SPTBN1: variants seen among roughly 807,000 people sequenced by gnomAD.
SPTBN1 encodes the protein spectrin beta, non-erythrocytic 1, also known as spectrin beta chain, non-erythrocytic 1.
In SPTBN1, 32 loss-of-function variants were observed where a neutral mutation model predicts 266.4. The ratio of observed to expected loss-of-function variants is 0.12; its 90% CI spans 0.09 to 0.16. The LOEUF is 0.16. Ranked by LOEUF, SPTBN1 falls within the 10% of genes least tolerant of loss-of-function variation. The pLI, the probability that SPTBN1 is intolerant of heterozygous loss-of-function variation, is 1.00. For synonymous variants in SPTBN1, 1,336 were observed against 1,162.2 expected (o/e 1.15, Z -3.04); for missense variants, 2,296 against 3,067.1 (o/e 0.75, Z 5.94).
chr2:54,563,058 C>T (rs1673423832), intron 2 of SPTBN1, among the ~76,000 whole-genome samples: 1 of 152,138 alleles, frequency 6.6e-6, no homozygotes, highest in African/African-American at 2.4e-5. Context: ...AGGCAAATAA[C>T]TCATCCAAGT....
At chr2:54,462,663 T>TAG (rs773187263) in intron 1 of SPTBN1, among the ~76,000 whole-genome samples, 40 of 152,236 alleles carry the variant, frequency 2.6e-4, no homozygotes, top group African/African-American at 2.7e-4. Flanking sequence ...TATACTCTAG[T>TAG]ATATGGAATA....
intron 1 of SPTBN1, among the ~76,000 whole-genome samples, chr2:54,462,330 A>G (rs1187227146): frequency 6.6e-6 from 1 of 152,182 alleles, no homozygotes; most frequent in South Asian, 2.1e-4. Flanking sequence ...TAACTTTTGT[A>G]TTTTAAAAGG....
rs1022594004 is a variant in SPTBN1 at position 54,533,259 on chromosome 2, A to G, written c.148+6693A>G. ...GCAATTTAAAACGTATGAATTGCCTATTTCTTCAGTTTTTCATTTCATATT... is the reference window on the plus strand; with the variant it reads ...GCAATTTAAAACGTATGAATTGCCTGTTTCTTCAGTTTTTCATTTCATATT... On this transcript the variant is annotated intron_variant, in intron 2 of 35. Transcript: ENST00000356805. The surrounding 1 kb of genome is among the most constrained non-coding windows in gnomAD (Gnocchi z 4.2). Among the ~76,000 whole-genome samples the G allele has an allele frequency of 3.3e-5, 5 of 151,886 alleles. No individual in the cohort carries two copies. The South Asian group carries it at 6.2e-4, about 19-fold the overall frequency.
At chr2:54,588,650 A>G in intron 2 of SPTBN1, among the ~76,000 whole-genome samples, 1 of 152,266 alleles carries the variant, frequency 6.6e-6, no homozygotes, top group East Asian at 1.9e-4. Context: ...CAGCATCACT[A>G]GTGCACACCT....
In SPTBN1 at chr2:54,626,827, G is replaced by GT. The variant is rs1464304943; in HGVS notation, c.1644+594dup. On this transcript the variant is annotated intron_variant, in intron 12 of 35. Coordinates refer to ENST00000356805, the MANE Select transcript of SPTBN1 (RefSeq NM_003128.3). The surrounding 1 kb of genome is among the most constrained non-coding windows in gnomAD (Gnocchi z 4.7). ...AGATCATGGGATGGGCTGGATGGCAGTGGCTGGTCATGCCATTTATTGACT... is the reference window on the plus strand; with the variant it reads ...AGATCATGGGATGGGCTGGATGGCAGTTGGCTGGTCATGCCATTTATTGACT... Among the ~76,000 whole-genome samples the GT allele has an allele frequency of 2.0e-5, 3 of 152,338 alleles. No homozygotes were observed. The highest frequency in any genetic ancestry group is 4.4e-5 in the Non-Finnish European group (3 of 68,034).
chr2:54,584,735 A>G (rs1367953411), intron 2 of SPTBN1, among the ~76,000 whole-genome samples: 1 of 152,224 alleles, frequency 6.6e-6, no homozygotes, highest in African/African-American at 2.4e-5. Flanking sequence ...AATGCCCCTG[A>G]AGAACAAATC....
chr2:54,650,084 C>A, intron 26 of SPTBN1, 95 bp downstream of exon 26: 2 of 1,465,470 alleles, frequency 1.4e-6, no homozygotes, highest in South Asian at 1.4e-5. Flanking sequence ...CTTGGCTCTT[C>A]AAAAGAATTG....
chr2:54,664,291 C>A lies in SPTBN1; in HGVS notation c.6421-162C>A. 1.4e-6 allele frequency: 1 copy of A among 701,496 alleles called. No homozygotes were observed. The highest frequency in any genetic ancestry group is 2.4e-6 in the Non-Finnish European group (1 of 411,760). The allele number at this position is 701,496 out of a possible 1,614,324, so 43.5% of individuals were successfully genotyped here. On this transcript the variant is annotated intron_variant, in intron 32 of 35. Coordinates refer to ENST00000356805, the MANE Select transcript of SPTBN1 (RefSeq NM_003128.3). The surrounding 1 kb of genome is among the most constrained non-coding windows in gnomAD (Gnocchi z 5.6). The stretch of plus-strand genomic sequence containing the variant: ...TTAATCCATTCCCACCTTCTAATGT[C>A]CTTGATGTCCAGCTGGCTTTGTGGG...
chr2:54,644,343 A>G lies in SPTBN1; in HGVS notation c.4026A>G (p.Ser1342=). ...KIEKEGMQLI[S]EKPETEAVVK... Reference sequence around the variant, plus strand: ...TCCAGGAAGGAATGCAGCTCATTTCAGAAAAGCCTGAGACGGAAGCTGTGG... The same window carrying G: ...TCCAGGAAGGAATGCAGCTCATTTCGGAAAAGCCTGAGACGGAAGCTGTGG... The change falls in exon 20 of 36, where the codon TCA becomes TCG. Residue 1342 remains serine, a synonymous_variant. Transcript: ENST00000356805. 6.2e-7 allele frequency: 1 copy of G among 1,610,710 alleles called. No homozygotes were observed. The highest frequency in any genetic ancestry group is 8.5e-7 in the Non-Finnish European group (1 of 1,176,958).
At chr2:54,565,125 C>T (rs1386295815) in intron 2 of SPTBN1, among the ~76,000 whole-genome samples, 1 of 152,148 alleles carries the variant, frequency 6.6e-6, no homozygotes, top group East Asian at 1.9e-4. Flanking sequence ...TGGGTCCTAC[C>T]AATAAGTGTT....
At chr2:54,483,876 T>C (rs1035958246) in intron 1 of SPTBN1, among the ~76,000 whole-genome samples, 4 of 152,188 alleles carry the variant, frequency 2.6e-5, no homozygotes, top group Non-Finnish European at 2.9e-5. Flanking sequence ...GTCAGGTTAG[T>C]GTTCTTGACG....
intron 18 of SPTBN1, among the ~76,000 whole-genome samples, chr2:54,638,367 G>A (rs1679293785): frequency 6.6e-6 from 1 of 152,238 alleles, no homozygotes; most frequent in Non-Finnish European, 1.5e-5. Context: ...TGGCTACCAA[G>A]TAAGAAGCAG....
intron 2 of SPTBN1, among the ~76,000 whole-genome samples, chr2:54,591,412 C>T (rs894723931): frequency 2.6e-5 from 4 of 152,208 alleles, no homozygotes; most frequent in African/African-American, 9.6e-5. Context: ...AAAGCAAAAA[C>T]TACATGATTG....
At chr2:54,529,016 TA>T (rs933976095) in intron 2 of SPTBN1, among the ~76,000 whole-genome samples, 47 of 152,336 alleles carry the variant, frequency 3.1e-4, no homozygotes, top group South Asian at 6.2e-4. Context: ...TTGAGTCCTC[TA>T]AAAAACTATA....
intron 32 of SPTBN1, chr2:54,660,438 A>G (rs770217373): frequency 8.6e-6 from 9 of 1,041,300 alleles, no homozygotes; most frequent in Non-Finnish European, 1.0e-5. Flanking sequence ...AACAGGGCAC[A>G]GTACTGTGCT....
Position 54,645,931 on chromosome 2 carries a change from T to C in SPTBN1, c.4498T>C (p.Trp1500Arg). ...FNRDVEDEIL[W>R]VGERMPLATS... ...ACTTATTTAAAATTCTTCCCAGTTG[T>C]GGGTTGGAGAGAGGATGCCTTTGGC... Residue 1500 changes from tryptophan to arginine, a missense_variant, in exon 22 of 36, where the codon TGG (tryptophan) becomes CGG (arginine). Transcript: ENST00000356805. This position sits in a 1 kb window ranked among gnomAD's most constrained non-coding sequence, Gnocchi z 4.3. The C allele has an allele frequency of 6.2e-7, 1 of 1,614,222 alleles. No homozygotes were observed. Among genetic ancestry groups the C allele is most frequent in the Non-Finnish European group, 8.5e-7 (1 of 1,180,040 alleles).
chr2:54,615,353 C>A (rs1489345407), intron 4 of SPTBN1, among the ~76,000 whole-genome samples: 1 of 152,140 alleles, frequency 6.6e-6, no homozygotes, highest in Non-Finnish European at 1.5e-5. Flanking sequence ...TGGATGGACT[C>A]CTGGCCAGCA....
intron 1 of SPTBN1, among the ~76,000 whole-genome samples, chr2:54,496,439 TAAA>T (rs10623542): frequency 4.7e-5 from 6 of 126,350 alleles, no homozygotes; most frequent in Non-Finnish European, 4.8e-5. Flanking sequence ...CTCCGTGTCT[TAAA>T]AAAAAAAAAA....
intron 1 of SPTBN1, among the ~76,000 whole-genome samples, chr2:54,510,473 C>G (rs1669799030): frequency 6.6e-6 from 1 of 152,242 alleles, no homozygotes; most frequent in Admixed American, 6.5e-5. Flanking sequence ...CCTGATACTT[C>G]TCTCTGTGCA....
Sources: gnomAD v4.1 joint callset for allele counts (sites outside exome capture counted in the v4.1 genomes callset) on GRCh38, gnomAD v4.1.1 for gene constraint, Gnocchi (gnomAD v3.1) non-coding constraint, MANE v1.5 for transcripts, NCBI Gene and HGNC (gene_info 2026-07-23, HGNC 2026-07-21) for gene names.